The following AOPEP variants were observed in gnomAD, a reference collection of about 807,000 sequenced individuals.
AOPEP encodes aminopeptidase O (putative).
A neutral mutation model predicts 98.1 loss-of-function variants in AOPEP; 77 were observed. The observed-to-expected ratio is 0.78, with a 90% CI of 0.65 to 0.95. The LOEUF (loss-of-function observed/expected upper bound fraction) is 0.95, where lower values mean the gene tolerates loss of function less well. Ranked by LOEUF, AOPEP falls within the 40% of genes least tolerant of loss-of-function variation. The probability of loss-of-function intolerance (pLI) is 0.00; values close to 1 mark genes in which losing one functional copy is unlikely to be tolerated. For synonymous variants in AOPEP, 346 were observed against 365.3 expected (o/e 0.95, Z 0.60); for missense variants, 1,024 against 1,024.7 (o/e 1.00, Z 0.01).
chr9:94,850,874 C>T (rs1006680283), intron 5 of AOPEP, among the ~76,000 whole-genome samples: 1 of 152,200 alleles, frequency 6.6e-6, no homozygotes, highest in African/African-American at 2.4e-5. Context: ...TGACAAGATT[C>T]TGGCTGCGGG....
intron 16 of AOPEP, among the ~76,000 whole-genome samples, chr9:95,083,415 A>G (rs2070111939): frequency 3.6e-5 from 5 of 140,672 alleles, no homozygotes; most frequent in South Asian, 2.3e-4. Flanking sequence ...CACCACGCAG[A>G]GCACACACGG....
intron 5 of AOPEP, among the ~76,000 whole-genome samples, chr9:94,812,184 A>G (rs552369509): frequency 1.1e-4 from 16 of 152,222 alleles, no homozygotes; most frequent in African/African-American, 3.9e-4. Flanking sequence ...ACTCTGTAAT[A>G]CTTCCTTAAA....
intron 9 of AOPEP, among the ~76,000 whole-genome samples, chr9:94,956,245 G>A (rs1468280589): frequency 1.3e-5 from 2 of 152,178 alleles, no homozygotes; most frequent in Non-Finnish European, 2.9e-5. Context: ...CACAGTGATA[G>A]TTAAAGACAA....
intron 1 of AOPEP, among the ~76,000 whole-genome samples, chr9:94,735,335 C>T (rs1831495877): frequency 6.6e-6 from 1 of 152,222 alleles, no homozygotes; most frequent in Non-Finnish European, 1.5e-5. Context: ...ATTCTCCTGC[C>T]TCAGCCTCGC....
rs1290404699 is a variant in AOPEP, at chr9:94,869,679, A to G, written c.1365-54307A>G. ...TGTAAAAGGAAGCCTGTAGAAATAT[A>G]GAATCAAAGCCAGATACGGCTCGTG... On this transcript the variant is annotated intron_variant, in intron 5 of 16. Transcript: ENST00000375315. Among the ~76,000 whole-genome samples, 19 of 152,232 alleles carry G rather than the reference A, an allele frequency of 1.2e-4. No homozygotes were observed. In the East Asian group the frequency reaches 3.7e-3, roughly 29 times the overall value.
chr9:95,055,179 A>T (rs1182381157), intron 13 of AOPEP, among the ~76,000 whole-genome samples: 1 of 152,138 alleles, frequency 6.6e-6, no homozygotes, highest in African/African-American at 2.4e-5. Context: ...CAGACACCTG[A>T]TATGTGTATG....
chr9:94,937,173 G>C (rs1034615343), intron 7 of AOPEP, among the ~76,000 whole-genome samples: 2 of 152,208 alleles, frequency 1.3e-5, no homozygotes, highest in East Asian at 1.9e-4. Flanking sequence ...CCAGTGACCA[G>C]CTCCTCCTGA....
chr9:94,952,584 G>A (rs1310725214), intron 7 of AOPEP, among the ~76,000 whole-genome samples: 1 of 152,206 alleles, frequency 6.6e-6, no homozygotes, highest in Non-Finnish European at 1.5e-5. Context: ...CTGTGTTACT[G>A]TGTGTGGTTG....
intron 11 of AOPEP, among the ~76,000 whole-genome samples, chr9:94,992,414 A>G (rs1038728333): frequency 6.6e-6 from 1 of 152,190 alleles, no homozygotes; most frequent in African/African-American, 2.4e-5. Flanking sequence ...CCACCGTCAC[A>G]CTGTAAGTGG....
intron 4 of AOPEP, among the ~76,000 whole-genome samples, chr9:94,793,773 A>G (rs1040981492): frequency 1.3e-5 from 2 of 152,190 alleles, no homozygotes; most frequent in African/African-American, 4.8e-5. Context: ...GTAAGTATAT[A>G]TGAAATCATG....
chr9:95,145,393 G>C, the AOPEP span: 7 of 152,118 alleles, frequency 4.6e-5, no homozygotes, highest in Non-Finnish European at 1.0e-4. Flanking sequence ...CTTAACAAAT[G>C]GTAAAACGTA....
chr9:94,741,297 G>A (rs2131937839), intron 1 of AOPEP, among the ~76,000 whole-genome samples: 1 of 150,192 alleles, frequency 6.7e-6, no homozygotes, highest in South Asian at 2.1e-4. Flanking sequence ...TTTTGAGATG[G>A]AGTCTTGCTC....
the AOPEP span, chr9:95,150,047 C>A: frequency 6.2e-7 from 1 of 1,614,074 alleles, no homozygotes; most frequent in African/African-American, 1.3e-5. Flanking sequence ...ATAAGTGGGA[C>A]ACAAACTCGT....
chr9:94,767,789 T>A (rs1031521222), intron 2 of AOPEP, among the ~76,000 whole-genome samples: 2 of 152,220 alleles, frequency 1.3e-5, no homozygotes, highest in African/African-American at 4.8e-5. Context: ...TTACGTAAAA[T>A]CTATCTTTCT....
chr9:95,122,778 C>G, the AOPEP span, among the ~76,000 whole-genome samples: 1 of 152,148 alleles, frequency 6.6e-6, no homozygotes, highest in Non-Finnish European at 1.5e-5. Flanking sequence ...GTGTGCTCCG[C>G]GAGGCCACAG....
At chr9:94,892,340 T>G (rs1202257550) in intron 5 of AOPEP, among the ~76,000 whole-genome samples, 1 of 152,206 alleles carries the variant, frequency 6.6e-6, no homozygotes, top group Non-Finnish European at 1.5e-5. Context: ...GCAGTGTTCA[T>G]TTTTTTCTAT....
intron 1 of AOPEP, among the ~76,000 whole-genome samples, chr9:94,754,650 A>T (rs1836591263): frequency 6.6e-6 from 1 of 152,194 alleles, no homozygotes; most frequent in Admixed American, 6.5e-5. Flanking sequence ...CAATTCCACA[A>T]ATATTTATTG....
chr9:95,008,199 C>A (rs2062184333), intron 13 of AOPEP, among the ~76,000 whole-genome samples: 1 of 152,190 alleles, frequency 6.6e-6, no homozygotes, highest in South Asian at 2.1e-4. Flanking sequence ...CTCCACATTG[C>A]CCTTGCCTCC....
In AOPEP at chr9:95,029,202, A is replaced by G. The variant is rs72750391; in HGVS notation, c.2115+23586A>G. 5.5e-3 allele frequency among the ~76,000 whole-genome samples: 843 copies of G among 152,346 alleles called. 16 individuals are homozygous for G. Among genetic ancestry groups the G allele is most frequent in the East Asian group, 0.051 (265 of 5,188 alleles). ...CTCTCTTGGGGAAACTGGGGGTGCC[A>G]GAAGACCAGCCACACATTTCTGAGA... On this transcript the variant is annotated intron_variant, in intron 13 of 16. Coordinates refer to ENST00000375315, the MANE Select transcript of AOPEP (RefSeq NM_001193329.3).
Sources: allele counts gnomAD v4.1 joint callset (sites outside exome capture counted in the v4.1 genomes callset), GRCh38; gene constraint gnomAD v4.1.1; transcripts MANE v1.5; gene names NCBI Gene and HGNC (gene_info 2026-07-23, HGNC 2026-07-21).